GPC6: variants seen among roughly 807,000 people sequenced by gnomAD.
GPC6 encodes the protein glypican 6.
GPC6 carries 14 observed loss-of-function variants against 55.2 expected under a neutral mutation model. The ratio of observed to expected loss-of-function variants is 0.25; its 90% confidence interval spans 0.17 to 0.40. The LOEUF (loss-of-function observed/expected upper bound fraction) is 0.40. GPC6 is among the 10% of genes least tolerant of loss of function. The pLI is 1.00. For synonymous variants in GPC6, 278 were observed against 259.6 expected, an observed-to-expected ratio of 1.07 and a Z score of -0.68; for missense variants, 641 against 708.5, an observed-to-expected ratio of 0.90 and a Z score of 1.08.
intron 7 of GPC6, among the ~76,000 whole-genome samples, chr13:94,392,146 A>G (rs1299783998): frequency 6.6e-6 from 1 of 152,152 alleles, no homozygotes; most frequent in East Asian, 1.9e-4. Context: ...GGGATATCCC[A>G]AAGATATCTG....
At chr13:93,960,103 A>C (rs1172971930) in intron 3 of GPC6, among the ~76,000 whole-genome samples, 2 of 152,170 alleles carry the variant, frequency 1.3e-5, no homozygotes, top group Non-Finnish European at 2.9e-5. Flanking sequence ...TGATCTCTTC[A>C]ACTTCGAGCA....
At chr13:94,317,083 G>A (rs991524225) in intron 6 of GPC6, among the ~76,000 whole-genome samples, 1 of 152,202 alleles carries the variant, frequency 6.6e-6, no homozygotes, top group Non-Finnish European at 1.5e-5. Flanking sequence ...AATTGCACTG[G>A]CTGACAGCAA....
At chr13:93,333,238 C>T (rs56768235) in intron 1 of GPC6, among the ~76,000 whole-genome samples, 1 of 152,054 alleles carries the variant, frequency 6.6e-6, no homozygotes, top group Admixed American at 6.5e-5. Flanking sequence ...GAAGAGTGTC[C>T]TTGGTATTTT....
intron 2 of GPC6, among the ~76,000 whole-genome samples, chr13:93,694,433 T>A (rs1882373634): frequency 1.3e-5 from 2 of 152,192 alleles, no homozygotes; most frequent in African/African-American, 4.8e-5. Context: ...AAAAGTTTCA[T>A]CTCTTTCCAC....
intron 1 of GPC6, among the ~76,000 whole-genome samples, chr13:93,360,208 G>A (rs1247730298): frequency 1.3e-5 from 2 of 152,200 alleles, no homozygotes; most frequent in African/African-American, 4.8e-5. Context: ...AAACCCCAGA[G>A]TGAAAACCAC....
chr13:93,758,864 G>C (rs899864448), intron 2 of GPC6, among the ~76,000 whole-genome samples: 3 of 152,044 alleles, frequency 2.0e-5, no homozygotes, highest in Admixed American at 6.6e-5. Context: ...TTGTTCGCAG[G>C]TTTAATTTTT....
chr13:93,750,942 A>T (rs375599801), intron 2 of GPC6, among the ~76,000 whole-genome samples: 2 of 152,220 alleles, frequency 1.3e-5, no homozygotes, highest in East Asian at 1.9e-4. Flanking sequence ...GAATCCGGAG[A>T]GGTCTCTGTC....
At chr13:94,111,595 A>T (rs1194412945) in intron 4 of GPC6, among the ~76,000 whole-genome samples, 1 of 151,828 alleles carries the variant, frequency 6.6e-6, no homozygotes, top group African/African-American at 2.4e-5. Flanking sequence ...GCTCCTGTGA[A>T]TTATTCTCTG....
chr13:93,880,942 A>G (rs954723299), intron 3 of GPC6, among the ~76,000 whole-genome samples: 2 of 152,082 alleles, frequency 1.3e-5, no homozygotes, highest in Non-Finnish European at 2.9e-5. Flanking sequence ...TAAAAAGGAA[A>G]GAATTTCAAA....
chr13:93,887,684 T>C (rs894385246), intron 3 of GPC6, among the ~76,000 whole-genome samples: 10 of 152,098 alleles, frequency 6.6e-5, no homozygotes, highest in Non-Finnish European at 4.4e-5. Context: ...AATTAGTGAC[T>C]TCGTGCCATG....
chr13:93,490,460 C>A (rs12864622), intron 1 of GPC6, among the ~76,000 whole-genome samples: 3 of 30,672 alleles, frequency 9.8e-5, no homozygotes, highest in Admixed American at 5.4e-4. Context: ...ATTATTATTT[C>A]TTTTTTTTTT....
At chr13:93,431,596 T>A (rs141319897) in intron 1 of GPC6, among the ~76,000 whole-genome samples, 1 of 152,186 alleles carries the variant, frequency 6.6e-6, no homozygotes, top group Non-Finnish European at 1.5e-5. Context: ...TTACAATTTG[T>A]TTATATTACA....
In GPC6 at chr13:93,227,750, GTCTCCGTGTTGGGCGGCGGATGC is replaced by G; in HGVS notation, c.160+137_160+159del. ...TTCTGCCACCGCTATGGGACTCCGC[GTCTCCGTGTTGGGCGGCGGATGC>G]TCCTGCGGCTTCTTCGGCGGGGGAA... On this transcript the variant is annotated intron_variant, in intron 1 of 8. Transcript: ENST00000377047. The surrounding 1 kb of genome is among the most constrained non-coding windows in gnomAD (Gnocchi z 4.3). The G allele has an allele frequency of 1.5e-6, 1 of 686,122 alleles. No individual in the cohort carries two copies. Among genetic ancestry groups the G allele is most frequent in the Middle Eastern group, 4.1e-4 (1 of 2,418 alleles). The allele number at this position is 686,122 out of a possible 1,614,324, so 42.5% of individuals were successfully genotyped here.
chr13:93,511,904 A>G (rs1880992762), intron 1 of GPC6, among the ~76,000 whole-genome samples: 1 of 151,604 alleles, frequency 6.6e-6, no homozygotes, highest in Non-Finnish European at 1.5e-5. Flanking sequence ...AATGTATTCC[A>G]AGGCTTTGGG....
chr13:93,319,970 ACC>A (rs1180940685), intron 1 of GPC6, among the ~76,000 whole-genome samples: 2 of 152,204 alleles, frequency 1.3e-5, no homozygotes, highest in Non-Finnish European at 2.9e-5. Context: ...GGAACAACAA[ACC>A]CAAATTGGAG....
At chr13:93,561,964 A>G (rs545721242) in intron 2 of GPC6, among the ~76,000 whole-genome samples, 3 of 152,252 alleles carry the variant, frequency 2.0e-5, no homozygotes, top group South Asian at 2.1e-4. Flanking sequence ...CTGTTGGTCC[A>G]GATGCTGCAA....
At chr13:94,377,266 A>C (rs9524466) in intron 6 of GPC6, among the ~76,000 whole-genome samples, 1 of 142,628 alleles carries the variant, frequency 7.0e-6, no homozygotes, top group Non-Finnish European at 1.5e-5. Flanking sequence ...GCAACCTACA[A>C]AATGGGAGAA....
chr13:93,374,321 G>A (rs1874795791), intron 1 of GPC6, among the ~76,000 whole-genome samples: 1 of 152,038 alleles, frequency 6.6e-6, no homozygotes, highest in African/African-American at 2.4e-5. Context: ...GTAGAATTAG[G>A]AGGCCCGATT....
chr13:93,403,270 T>C (rs1020035348), intron 1 of GPC6, among the ~76,000 whole-genome samples: 5 of 152,166 alleles, frequency 3.3e-5, no homozygotes, highest in African/African-American at 4.8e-5. Flanking sequence ...AAGTTGATTA[T>C]TGGTCTGAAA....
Sources: allele counts gnomAD v4.1 joint callset (sites outside exome capture counted in the v4.1 genomes callset), GRCh38; gene constraint gnomAD v4.1.1; non-coding constraint Gnocchi (gnomAD v3.1); transcripts MANE v1.5; gene names NCBI Gene and HGNC (gene_info 2026-07-23, HGNC 2026-07-21).